PLEKHA1: variants seen among roughly 807,000 people sequenced by gnomAD.
PLEKHA1 encodes pleckstrin homology domain-containing family A member 1.
In PLEKHA1, 34 loss-of-function variants were observed where a neutral mutation model predicts 52.0. The ratio of observed to expected loss-of-function variants is 0.65; its 90% CI spans 0.50 to 0.87. The LOEUF (loss-of-function observed/expected upper bound fraction) is 0.87. PLEKHA1 is among the 40% of genes least tolerant of loss of function. PLEKHA1 has a pLI of 0.00. For synonymous variants in PLEKHA1, 163 were observed against 170.7 expected (o/e 0.95, Z 0.35); for missense variants, 497 against 504.2 (o/e 0.99, Z 0.14).
rs1294948255 is a variant in PLEKHA1 at position 122,430,757 on chromosome 10, A to G, written c.*819A>G. On this transcript the variant is annotated 3_prime_UTR_variant, in exon 12 of 12. Coordinates refer to ENST00000368990, the MANE Select transcript of PLEKHA1 (RefSeq NM_001001974.4). ...GGTGAAAGACCTCAAGTTTATATGT[A>G]AAGACATAACTGCCCTTAGTCATGA... 1 of 152,234 alleles carries G rather than the reference A, an allele frequency of 6.6e-6. No homozygotes were observed. The allele number at this position is 152,234 out of a possible 1,614,324, so 9.4% of individuals were successfully genotyped here. A position where few individuals can be genotyped will look rare whatever the true frequency, so the allele number is the denominator to read the frequency against.
In PLEKHA1 at chr10:122,418,113, CT is replaced by C. The variant is rs934554645; in HGVS notation, c.681+149del. On this transcript the variant is annotated intron_variant, in intron 8 of 11. Transcript: ENST00000368990. ...AAATATAGTTTATTTGGTTGTGATGCTTTTGGTTAATGATATTTTTCTTAAA... is the reference window on the plus strand; with the variant it reads ...AAATATAGTTTATTTGGTTGTGATGCTTTGGTTAATGATATTTTTCTTAAA... 19 of 528,536 alleles carry C rather than the reference CT, an allele frequency of 3.6e-5. 1 individual carries two copies. In the Middle Eastern group the frequency reaches 3.6e-3, roughly 100 times the overall value. 32.7% of individuals were successfully genotyped at this position (528,536 alleles called of 1,614,324 possible). A position where few individuals can be genotyped will look rare whatever the true frequency, so the allele number is the denominator to read the frequency against.
chr10:122,419,373 G>A (rs1200389230), intron 8 of PLEKHA1: 1 of 152,208 alleles, frequency 6.6e-6, no homozygotes, highest in East Asian at 1.9e-4. Context: ...TGCCATTTTA[G>A]TATGGGGCTT....
intron 7 of PLEKHA1, among the ~76,000 whole-genome samples, chr10:122,416,528 T>A (rs1170434465): frequency 6.6e-6 from 1 of 152,174 alleles, no homozygotes; most frequent in Non-Finnish European, 1.5e-5. Context: ...TTGTTTTTGT[T>A]TTTTAAGAGA....
intron 11 of PLEKHA1, 130 bp from the exon 12 acceptor site, chr10:122,429,494 T>TTATGTGTG (rs1221597268): frequency 2.3e-5 from 15 of 655,854 alleles, no homozygotes; most frequent in Admixed American, 6.1e-5. Flanking sequence ...GCTGCTGCCT[T>TTATGTGTG]TGTGTGTGTG....
intron 4 of PLEKHA1, among the ~76,000 whole-genome samples, chr10:122,403,034 T>A (rs948146156): frequency 1.3e-5 from 2 of 152,190 alleles, no homozygotes; most frequent in Non-Finnish European, 2.9e-5. Context: ...CCTACGACAA[T>A]GCAAGAGAGC....
chr10:122,426,354 T>G (rs1263806243), intron 10 of PLEKHA1, among the ~76,000 whole-genome samples: 1 of 152,108 alleles, frequency 6.6e-6, no homozygotes, highest in Non-Finnish European at 1.5e-5. Context: ...TTTTAAACTT[T>G]TTCATATTTC....
intron 1 of PLEKHA1, among the ~76,000 whole-genome samples, chr10:122,383,890 C>T (rs72830784): frequency 0.093 from 14,163 of 152,084 alleles, 784 homozygotes; most frequent in Middle Eastern, 0.17. Flanking sequence ...ATAGGTTTCT[C>T]CTCTAGTTCC....
chr10:122,408,947 A>G (rs1461185470), intron 5 of PLEKHA1, among the ~76,000 whole-genome samples: 1 of 152,200 alleles, frequency 6.6e-6, no homozygotes, highest in Non-Finnish European at 1.5e-5. Context: ...TGTGTGATAT[A>G]TAAATTTTAA....
intron 10 of PLEKHA1, 26 bp from the exon 11 acceptor site, chr10:122,426,912 ATTGT>A: frequency 6.4e-7 from 1 of 1,567,214 alleles, no homozygotes; most frequent in Non-Finnish European, 8.8e-7. Flanking sequence ...TTGAGAAAAA[ATTGT>A]TTGAATGAGT....
intron 1 of PLEKHA1, among the ~76,000 whole-genome samples, chr10:122,389,891 TAACAA>T (rs1442408959): frequency 7.4e-6 from 1 of 134,356 alleles, no homozygotes; most frequent in Non-Finnish European, 1.8e-5. Context: ...CATTAGCCCC[TAACAA>T]GAGTCAGCTT....
intron 4 of PLEKHA1, among the ~76,000 whole-genome samples, chr10:122,404,882 G>GA (rs758166070): frequency 2.0e-5 from 3 of 152,294 alleles, no homozygotes; most frequent in South Asian, 2.1e-4. Flanking sequence ...TTTTCCTTGA[G>GA]AGTTTGCATT....
intron 10 of PLEKHA1, 51 bp downstream of exon 10, chr10:122,425,010 AT>A (rs2097317263): frequency 6.8e-7 from 1 of 1,471,804 alleles, no homozygotes; most frequent in African/African-American, 1.4e-5. Flanking sequence ...GAAATTAATA[AT>A]ATTAGAGGTG....
At chr10:122,398,935 A>C (rs980651302) in intron 3 of PLEKHA1, among the ~76,000 whole-genome samples, 3 of 152,236 alleles carry the variant, frequency 2.0e-5, no homozygotes, top group Admixed American at 1.3e-4. Context: ...TGTTAAGATC[A>C]TACTATGTAA....
At chr10:122,381,162 T>C (rs2096609203) in intron 1 of PLEKHA1, among the ~76,000 whole-genome samples, 1 of 152,124 alleles carries the variant, frequency 6.6e-6, no homozygotes, top group Admixed American at 6.5e-5. Flanking sequence ...GAGAATAGAT[T>C]GAAGTGGGGT....
chr10:122,405,366 T>G (rs947437421), intron 4 of PLEKHA1, among the ~76,000 whole-genome samples: 5 of 151,956 alleles, frequency 3.3e-5, no homozygotes, highest in African/African-American at 1.2e-4. Context: ...AAAGTATTGG[T>G]AATAAAGCAG....
intron 2 of PLEKHA1, among the ~76,000 whole-genome samples, chr10:122,397,642 A>G (rs893486719): frequency 2.0e-4 from 31 of 152,070 alleles, no homozygotes; most frequent in Non-Finnish European, 2.9e-5. Flanking sequence ...TGGCTTTTTA[A>G]GCTCATGAGA....
chr10:122,410,326 A>G (rs918486125), intron 5 of PLEKHA1, among the ~76,000 whole-genome samples: 46 of 152,240 alleles, frequency 3.0e-4, no homozygotes, highest in Non-Finnish European at 1.9e-4. Context: ...GACATAAAAA[A>G]GGATAGAAAG....
At chr10:122,413,076 G>A in intron 6 of PLEKHA1, 31 bp downstream of exon 6, 1 of 1,580,528 alleles carries the variant, frequency 6.3e-7, no homozygotes, top group Non-Finnish European at 8.6e-7. Flanking sequence ...TTGTGTGAGG[G>A]TCTAATTATT....
rs1565199399 is a variant in PLEKHA1, at chr10:122,400,327, C to CT, written c.199-15dup. On this transcript the variant is annotated splice_polypyrimidine_tract_variant and intron_variant, in intron 3 of 11. Transcript: ENST00000368990. ...ATATGGAGAAGTGAGGAACCCGTCT[C>CT]TATTTTTCTTTTTAGGTTAGCGATG... 6.3e-7 allele frequency: 1 copy of CT among 1,595,200 alleles called. No homozygotes were observed. The highest frequency in any genetic ancestry group is 8.5e-7 in the Non-Finnish European group (1 of 1,173,816).
Sources: gnomAD v4.1 joint callset for allele counts (sites outside exome capture counted in the v4.1 genomes callset) on GRCh38, gnomAD v4.1.1 for gene constraint, MANE v1.5 for transcripts, NCBI Gene and HGNC (gene_info 2026-07-23, HGNC 2026-07-21) for gene names.